The following KIAA0319L variants were observed in gnomAD, a reference collection of about 807,000 sequenced individuals.
KIAA0319L encodes dyslexia-associated protein KIAA0319-like protein.
KIAA0319L carries 55 observed loss-of-function variants against 120.1 expected under a neutral mutation model. The ratio of observed to expected loss-of-function variants is 0.46; its 90% CI spans 0.37 to 0.57. The LOEUF is 0.57. Among genes scored for constraint, KIAA0319L ranks in the 20% least tolerant of loss-of-function variants. The pLI, the probability that KIAA0319L is intolerant of heterozygous loss-of-function variation, is 0.00. For synonymous variants in KIAA0319L, 398 were observed against 471.9 expected (o/e 0.84, Z 2.03); for missense variants, 1,049 against 1,255.3 (o/e 0.84, Z 2.48).
In KIAA0319L at chr1:35,506,885, T is replaced by C; in HGVS notation, c.393A>G (p.Leu131=). ...THSSNSMLVF[L]KKFQTADDLG... is the part of the protein sequence containing the mutation. ...AATCATCTGCAGTTTGGAATTTTTTTAAAAACACCAGCATGGAATTGGAGG... is the reference window on the plus strand; with the variant it reads ...AATCATCTGCAGTTTGGAATTTTTTCAAAAACACCAGCATGGAATTGGAGG... Residue 131 remains leucine (L), a synonymous_variant, in exon 3 of 21, where the codon TTA becomes TTG. Coordinates refer to ENST00000325722, the MANE Select transcript of KIAA0319L (RefSeq NM_024874.5). The surrounding 1 kb of genome is among the most constrained non-coding windows in gnomAD (Gnocchi z 4.0). 6.2e-7 allele frequency: 1 copy of C among 1,614,196 alleles called. No individual in the cohort carries two copies. The highest frequency in any genetic ancestry group is 8.5e-7 in the Non-Finnish European group (1 of 1,180,028).
At chr1:35,510,760 C>T (rs2148413089) in intron 2 of KIAA0319L, among the ~76,000 whole-genome samples, 1 of 152,044 alleles carries the variant, frequency 6.6e-6, no homozygotes, top group Admixed American at 6.6e-5. Flanking sequence ...GTGAGCATCA[C>T]TGTGTCTGGC....
chr1:35,514,880 A>G (rs1645617377), intron 2 of KIAA0319L, among the ~76,000 whole-genome samples: 1 of 152,212 alleles, frequency 6.6e-6, no homozygotes. Flanking sequence ...TCAACATTGG[A>G]CCAAAGGGAT....
chr1:35,457,445 T>C (rs1398839174), intron 9 of KIAA0319L, among the ~76,000 whole-genome samples: 3 of 150,772 alleles, frequency 2.0e-5, no homozygotes, highest in African/African-American at 7.3e-5. Context: ...TGAAAATGAA[T>C]TCTCCTACGC....
intron 1 of KIAA0319L, among the ~76,000 whole-genome samples, chr1:35,555,707 T>C (rs1427758045): frequency 6.6e-6 from 1 of 152,232 alleles, no homozygotes; most frequent in African/African-American, 2.4e-5. Flanking sequence ...CGAGTGAGTA[T>C]GCATGTGTGC....
At chr1:35,485,080 C>CT (rs970767280) in intron 3 of KIAA0319L, among the ~76,000 whole-genome samples, 1 of 150,824 alleles carries the variant, frequency 6.6e-6, no homozygotes, top group African/African-American at 2.4e-5. Flanking sequence ...CTATTAATGA[C>CT]TTTTTTTTCC....
At chr1:35,533,255 C>G (rs894217438) in intron 2 of KIAA0319L, 14 of 152,168 alleles carry the variant, frequency 9.2e-5, no homozygotes, top group African/African-American at 3.1e-4. Flanking sequence ...AGAGACAGAA[C>G]GTCCCCTGTT....
At chr1:35,481,053 A>G (rs1391668767) in intron 3 of KIAA0319L, among the ~76,000 whole-genome samples, 1 of 152,178 alleles carries the variant, frequency 6.6e-6, no homozygotes, top group Non-Finnish European at 1.5e-5. Context: ...AAGCATATAC[A>G]TACTATTTTT....
At chr1:35,551,107 G>A (rs756027695) in intron 2 of KIAA0319L, among the ~76,000 whole-genome samples, 2 of 152,148 alleles carry the variant, frequency 1.3e-5, no homozygotes, top group Non-Finnish European at 2.9e-5. Context: ...ATGCCAAGAA[G>A]TTCTCTTTTC....
chr1:35,451,736 C>T lies in KIAA0319L; in HGVS notation c.1954G>A (p.Val652Ile). The change falls in exon 13 of 21, where the codon GTT becomes ATT. Residue 652 changes from valine to isoleucine, a missense_variant. Val to Ile is a conservative substitution (Grantham distance 29). Transcript: ENST00000325722. ...GVQLENANSS[V>I]ATVTGLQVGT... ...ACTTGCAGCCCAGTCACAGTAGCAACACTGCTGTTAGCATTCTCGAGCTGC... is the reference window on the plus strand; with the variant it reads ...ACTTGCAGCCCAGTCACAGTAGCAATACTGCTGTTAGCATTCTCGAGCTGC... 6.2e-7 allele frequency: 1 copy of T among 1,614,080 alleles called. No individual in the cohort carries two copies. Among genetic ancestry groups the T allele is most frequent in the Non-Finnish European group, 8.5e-7 (1 of 1,179,968 alleles).
rs576669127 is a variant in KIAA0319L at position 35,487,871 on chromosome 1, T to C, written c.667-8659A>G. ...CTGCCTGCTTTTTCAGCAGGCCTCA[T>C]GGAGTCTGCCCATGCAGGTGTAGTT... On this transcript the variant is annotated intron_variant, in intron 3 of 20. Coordinates refer to ENST00000325722, the MANE Select transcript of KIAA0319L (RefSeq NM_024874.5). 2.0e-5 allele frequency among the ~76,000 whole-genome samples: 3 copies of C among 152,334 alleles called. No homozygotes were observed. In the South Asian group the frequency reaches 6.2e-4, roughly 32 times the overall value.
chr1:35,500,448 A>C (rs539721364), intron 3 of KIAA0319L, among the ~76,000 whole-genome samples: 2 of 152,336 alleles, frequency 1.3e-5, no homozygotes, highest in Admixed American at 6.5e-5. Flanking sequence ...AGAAACGGGA[A>C]TATATTGATG....
chr1:35,456,175 A>C lies in KIAA0319L; in HGVS notation c.1494T>G (p.Ala498=), dbSNP rs1642439140. Reference sequence around the variant, plus strand: ...CGTTGGCCACAGGGGGGTAATCCACAGCTTTGTTCACTGTCAGGTTTGCAG... The same window carrying C: ...CGTTGGCCACAGGGGGGTAATCCACCGCTTTGTTCACTGTCAGGTTTGCAG... ...STTANLTVNK[A]VDYPPVANAG... The change falls in exon 10 of 21, where the codon GCT becomes GCG. Residue 498 remains alanine (A), a synonymous_variant. Coordinates refer to ENST00000325722, the MANE Select transcript of KIAA0319L (RefSeq NM_024874.5). 6.2e-7 allele frequency: 1 copy of C among 1,613,094 alleles called. No homozygotes were observed. The highest frequency in any genetic ancestry group is 1.3e-5 in the African/African-American group (1 of 74,858).
At chr1:35,556,048 A>C (rs1647970211) in intron 1 of KIAA0319L, among the ~76,000 whole-genome samples, 1 of 152,272 alleles carries the variant, frequency 6.6e-6, no homozygotes. Context: ...ACCAAACGCA[A>C]GAACAACAAC....
At chr1:35,528,902 T>A (rs1467409057) in intron 2 of KIAA0319L, among the ~76,000 whole-genome samples, 1 of 152,228 alleles carries the variant, frequency 6.6e-6, no homozygotes, top group Non-Finnish European at 1.5e-5. Flanking sequence ...CTGTTTTACC[T>A]GATACAAGTA....
At chr1:35,501,722 C>T (rs912611299) in intron 3 of KIAA0319L, among the ~76,000 whole-genome samples, 1 of 151,820 alleles carries the variant, frequency 6.6e-6, no homozygotes, top group African/African-American at 2.4e-5. Flanking sequence ...ACTAAAAATA[C>T]AAAAAATTAG....
At chr1:35,455,875 G>T in intron 10 of KIAA0319L, 138 bp downstream of exon 10, 1 of 705,502 alleles carries the variant, frequency 1.4e-6, no homozygotes, top group Non-Finnish European at 2.4e-6. Flanking sequence ...CACCATACCC[G>T]GCCAAGATAA....
At chr1:35,449,615 G>A (rs958322661) in intron 15 of KIAA0319L, among the ~76,000 whole-genome samples, 2 of 152,188 alleles carry the variant, frequency 1.3e-5, no homozygotes, top group Non-Finnish European at 2.9e-5. Context: ...GTGACACTGA[G>A]CAAGTCCTGC....
At chr1:35,542,948 C>T (rs563864882) in intron 2 of KIAA0319L, among the ~76,000 whole-genome samples, 1 of 152,304 alleles carries the variant, frequency 6.6e-6, no homozygotes, top group East Asian at 1.9e-4. Flanking sequence ...CTAATTTTCT[C>T]ATCCCTCTTC....
chr1:35,454,669 G>GGA, intron 10 of KIAA0319L, 184 bp from the exon 11 acceptor site: 1 of 1,377,640 alleles, frequency 7.3e-7, no homozygotes. Flanking sequence ...CTTGCTAAGG[G>GGA]TTTCCCCCTT....
Sources: gnomAD v4.1 joint callset for allele counts (sites outside exome capture counted in the v4.1 genomes callset) on GRCh38, gnomAD v4.1.1 for gene constraint, Gnocchi (gnomAD v3.1) non-coding constraint, MANE v1.5 for transcripts, NCBI Gene and HGNC (gene_info 2026-07-23, HGNC 2026-07-21) for gene names.